The following PARN variants were observed in gnomAD, a reference collection of about 807,000 sequenced individuals.
PARN encodes poly(A)-specific ribonuclease.
PARN carries 71 observed loss-of-function variants against 102.8 expected under a neutral mutation model. That is an observed-to-expected ratio of 0.69 (90% confidence interval 0.57 to 0.84). The LOEUF (loss-of-function observed/expected upper bound fraction) is 0.84. Among genes scored for constraint, PARN ranks in the 40% least tolerant of loss-of-function variants. The pLI is 0.00. For missense variants in PARN, 782 were observed against 760.9 expected, an observed-to-expected ratio of 1.03 and a Z score of -0.33; for synonymous variants, 261 against 252.9, an observed-to-expected ratio of 1.03 and a Z score of -0.30.
At chr16:14,445,506 T>A (rs1471695106) in intron 23 of PARN, among the ~76,000 whole-genome samples, 2 of 152,210 alleles carry the variant, frequency 1.3e-5, no homozygotes. Flanking sequence ...ATGATTATAA[T>A]TGTGTCTGGG....
At chr16:14,501,294 C>CAAT (rs113060340) in intron 21 of PARN, among the ~76,000 whole-genome samples, 6,001 of 142,072 alleles carry the variant, frequency 0.042, 178 homozygotes, top group South Asian at 0.15. Flanking sequence ...AACAAAAAAA[C>CAAT]AATAATAATA....
At chr16:14,595,530 A>G (rs951817450) in intron 12 of PARN, among the ~76,000 whole-genome samples, 1 of 151,894 alleles carries the variant, frequency 6.6e-6, no homozygotes, top group East Asian at 1.9e-4. Context: ...ACTCCTGGCT[A>G]ATTTTTTAAT....
chr16:14,609,365 C>T (rs144235695), intron 7 of PARN, among the ~76,000 whole-genome samples: 233 of 152,040 alleles, frequency 1.5e-3, no homozygotes, highest in Non-Finnish European at 2.8e-3. Flanking sequence ...CAGGAGTTCG[C>T]GACCAGCCTG....
At chr16:14,512,684 G>A (rs1166242511) in intron 21 of PARN, among the ~76,000 whole-genome samples, 10 of 152,106 alleles carry the variant, frequency 6.6e-5, no homozygotes, top group Non-Finnish European at 1.3e-4. Context: ...GAAATCAAGG[G>A]TGGGACCCCA....
At chr16:14,553,991 A>G (rs1200046905) in intron 20 of PARN, 74 bp downstream of exon 20, 1 of 902,416 alleles carries the variant, frequency 1.1e-6, no homozygotes, top group Non-Finnish European at 1.7e-6. Flanking sequence ...GGCCAAAACT[A>G]TCTTTCTACT....
At chr16:14,532,067 A>AAAATT (rs1959246322) in intron 21 of PARN, among the ~76,000 whole-genome samples, 1 of 152,180 alleles carries the variant, frequency 6.6e-6, no homozygotes, top group Non-Finnish European at 1.5e-5. Context: ...CCTGTCTTAA[A>AAAATT]AAATTAAATT....
chr16:14,447,145 AAATATTTT>A, intron 22 of PARN, 64 bp from the exon 23 acceptor site: 1 of 1,090,110 alleles, frequency 9.2e-7, no homozygotes, highest in Non-Finnish European at 1.3e-6. Flanking sequence ...TAGTCTATAA[AAATATTTT>A]AATACTCTTA....
intron 21 of PARN, among the ~76,000 whole-genome samples, chr16:14,539,988 A>C (rs1567363043): frequency 6.6e-6 from 1 of 152,246 alleles, no homozygotes; most frequent in Non-Finnish European, 1.5e-5. Flanking sequence ...TTAAGTATAC[A>C]GGAGGATATG....
At chr16:14,617,382 CAAAA>C (rs66483121) in intron 6 of PARN, among the ~76,000 whole-genome samples, 5 of 91,872 alleles carry the variant, frequency 5.4e-5, no homozygotes, top group Admixed American at 1.2e-4. Flanking sequence ...AGACTCTTCT[CAAAA>C]AAAAAAAAAA....
At chr16:14,612,797 A>G (rs1971598382) in intron 6 of PARN, among the ~76,000 whole-genome samples, 1 of 151,710 alleles carries the variant, frequency 6.6e-6, no homozygotes, top group African/African-American at 2.4e-5. Flanking sequence ...AGGTTTCAAC[A>G]TGTTGGCCAG....
At chr16:14,602,624 AATCTGCGTCTTGGCCACAGACTC>A (rs1970945174) in intron 11 of PARN, among the ~76,000 whole-genome samples, 1 of 152,142 alleles carries the variant, frequency 6.6e-6, no homozygotes, top group African/African-American at 2.4e-5. Flanking sequence ...GGTAAAGGCT[AATCTGCGTCTTGGCCACAGACTC>A]ATCTGCGTCT....
intron 22 of PARN, among the ~76,000 whole-genome samples, chr16:14,469,396 G>T (rs984350235): frequency 2.6e-5 from 4 of 152,260 alleles, no homozygotes; most frequent in Admixed American, 2.6e-4. Flanking sequence ...TTGCATTTGG[G>T]AAAAAGAGGC....
At chr16:14,545,700 C>T (rs17260360) in intron 21 of PARN, among the ~76,000 whole-genome samples, 3 of 152,056 alleles carry the variant, frequency 2.0e-5, no homozygotes, top group African/African-American at 4.8e-5. Flanking sequence ...TGTAAGCTGC[C>T]GGAATGTTGA....
chr16:14,493,505 T>C (rs1475398809), intron 21 of PARN, among the ~76,000 whole-genome samples: 1 of 152,242 alleles, frequency 6.6e-6, no homozygotes, highest in African/African-American at 2.4e-5. Flanking sequence ...CATGAACCAC[T>C]GTGCCCAGCC....
chr16:14,479,715 G>T (rs770696707), intron 22 of PARN, among the ~76,000 whole-genome samples: 1 of 152,000 alleles, frequency 6.6e-6, no homozygotes, highest in African/African-American at 2.4e-5. Flanking sequence ...AGACATACAC[G>T]ATCAGTTGAT....
intron 23 of PARN, among the ~76,000 whole-genome samples, chr16:14,440,665 G>A (rs1222775125): frequency 6.6e-6 from 1 of 152,220 alleles, no homozygotes; most frequent in Non-Finnish European, 1.5e-5. Context: ...ATACCACTTA[G>A]CAGTAAAACG....
At chr16:14,454,630 T>TA (rs1207451507) in intron 22 of PARN, among the ~76,000 whole-genome samples, 1 of 152,228 alleles carries the variant, frequency 6.6e-6, no homozygotes, top group Non-Finnish European at 1.5e-5. Context: ...CTGGCATAGT[T>TA]ACCCAGTTGT....
intron 21 of PARN, among the ~76,000 whole-genome samples, chr16:14,530,693 C>T (rs902916854): frequency 9.9e-5 from 15 of 152,110 alleles, no homozygotes; most frequent in Non-Finnish European, 1.8e-4. Context: ...CGTAAACTTC[C>T]GCCTTCGTTC....
chr16:14,620,398 C>T (rs1345266570), intron 5 of PARN, among the ~76,000 whole-genome samples: 3 of 152,096 alleles, frequency 2.0e-5, no homozygotes, highest in African/African-American at 7.2e-5. Flanking sequence ...ACAAAAAACA[C>T]TGTATTAAGT....
Sources: gnomAD v4.1 joint callset for allele counts (sites outside exome capture counted in the v4.1 genomes callset) on GRCh38, gnomAD v4.1.1 for gene constraint, MANE v1.5 for transcripts, NCBI Gene and HGNC (gene_info 2026-07-23, HGNC 2026-07-21) for gene names.